The following LCP1 variants were observed in gnomAD, a reference collection of about 807,000 sequenced individuals.
LCP1 encodes the protein lymphocyte cytosolic protein 1, also known as plastin-2.
LCP1 carries 23 observed loss-of-function variants against 72.0 expected under a neutral mutation model. The ratio of observed to expected loss-of-function variants is 0.32; its 90% confidence interval spans 0.23 to 0.45. LCP1 has a LOEUF of 0.45. Among genes scored for constraint, LCP1 ranks in the 20% least tolerant of loss-of-function variants. The pLI, the probability that LCP1 is intolerant of heterozygous loss-of-function variation, is 1.00. For missense variants in LCP1, 571 were observed against 748.3 expected, an observed-to-expected ratio of 0.76 and a Z score of 2.76; for synonymous variants, 245 against 275.4, an observed-to-expected ratio of 0.89 and a Z score of 1.09.
At position 46,154,757 on chromosome 13, in the gene LCP1, A is replaced by G. The variant is rs756024617; in HGVS notation, c.573+48T>C. The G allele has an allele frequency of 2.0e-6, 3 of 1,507,494 alleles. No homozygotes were observed. The South Asian group carries it at 3.4e-5, about 17-fold the overall frequency. 93.4% of individuals were successfully genotyped at this position (1,507,494 alleles called of 1,614,324 possible). A position where few individuals can be genotyped will look rare whatever the true frequency, so the allele number is the denominator to read the frequency against. On this transcript the variant is annotated intron_variant, in intron 6 of 15. Coordinates refer to ENST00000323076, the MANE Select transcript of LCP1 (RefSeq NM_002298.5). ...GGCGGACTCAGCAGTTATGATGCTC[A>G]TTGATGCCAAACAAATCCTGTATTA... is the stretch of plus-strand genomic sequence containing the variant.
Position 46,148,439 on chromosome 13 carries a change from T to G in LCP1, c.891A>C (p.Lys297Asn). The change falls in exon 9 of 16, where the codon AAA (lysine) becomes AAC (asparagine). Residue 297 changes from lysine (K) to asparagine (N), a missense_variant. Lys to Asn is a moderately conservative substitution (Grantham distance 94, BLOSUM62 0). Coordinates refer to ENST00000323076, the MANE Select transcript of LCP1 (RefSeq NM_002298.5). ...CCTGCTCAAGCAGGTGGTAATAAGC[T>G]TTTGAGTCCTGTGAGAAATTAAGAA... ...GNFSTDIKDS[K>N]AYYHLLEQVA... 1 of 1,604,944 alleles carries G rather than the reference T, an allele frequency of 6.2e-7. No homozygotes were observed.
chr13:46,135,721 C>T (rs2045660776), intron 13 of LCP1, among the ~76,000 whole-genome samples: 1 of 148,858 alleles, frequency 6.7e-6, no homozygotes, highest in South Asian at 2.1e-4. Flanking sequence ...AATTTCCTTT[C>T]TGAAGTACAG....
intron 1 of LCP1, among the ~76,000 whole-genome samples, chr13:46,167,230 G>A (rs2045881501): frequency 6.6e-6 from 1 of 152,182 alleles, no homozygotes; most frequent in African/African-American, 2.4e-5. Flanking sequence ...TGGGAAGCTA[G>A]CAATCCAGAT....
chr13:46,141,521 A>C (rs1467964740), intron 13 of LCP1, among the ~76,000 whole-genome samples: 1 of 152,088 alleles, frequency 6.6e-6, no homozygotes. Context: ...ATATGAGGGA[A>C]CAACAATAAG....
intron 1 of LCP1, among the ~76,000 whole-genome samples, chr13:46,178,260 A>G (rs771516827): frequency 8.5e-5 from 13 of 152,186 alleles, no homozygotes; most frequent in Non-Finnish European, 1.5e-4. Context: ...GATTAATTGA[A>G]GCGCCTTCCA....
chr13:46,151,197 G>T, intron 7 of LCP1, 119 bp from the exon 8 acceptor site: 2 of 948,576 alleles, frequency 2.1e-6, no homozygotes, highest in Non-Finnish European at 3.0e-6. Context: ...CCTCTTTGGG[G>T]TAAAGGTTCT....
chr13:46,168,545 T>C (rs1034545172), intron 1 of LCP1: 2 of 152,528 alleles, frequency 1.3e-5, no homozygotes, highest in African/African-American at 4.8e-5. Flanking sequence ...GCCTAGCTGC[T>C]GGACTGCCCC....
At chr13:46,168,688 AAG>A (rs2045890306) in intron 1 of LCP1, among the ~76,000 whole-genome samples, 1 of 152,228 alleles carries the variant, frequency 6.6e-6, no homozygotes, top group South Asian at 2.1e-4. Flanking sequence ...CTGTCCCAGA[AAG>A]AGAGTCATCT....
chr13:46,155,548 G>A (rs2045795104), intron 5 of LCP1, among the ~76,000 whole-genome samples: 1 of 152,168 alleles, frequency 6.6e-6, no homozygotes, highest in Non-Finnish European at 1.5e-5. Flanking sequence ...AAGTAGAATT[G>A]CTCTGGTCAG....
At chr13:46,140,614 TA>T (rs1435545904) in intron 13 of LCP1, among the ~76,000 whole-genome samples, 1 of 152,006 alleles carries the variant, frequency 6.6e-6, no homozygotes, top group East Asian at 1.9e-4. Flanking sequence ...GACATATAAT[TA>T]AAAAATTAGC....
rs964508010 is a variant in LCP1, at chr13:46,147,060, G to T, written c.1022C>A (p.Ala341Glu). 1 of 1,611,174 alleles carries T rather than the reference G, an allele frequency of 6.2e-7. No individual in the cohort carries two copies. Among genetic ancestry groups the T allele is most frequent in the Non-Finnish European group, 8.5e-7 (1 of 1,178,836 alleles). ...AAACTGCCGGCAGCCCAGCCTCTCC[G>T]CCTGCTGCAGCATGCATTCTGCCCT... The part of the protein sequence containing the change: ...IQRAECMLQQ[A>E]ERLGCRQFVT... Residue 341 changes from alanine (A) to glutamate (E), a missense_variant, in exon 10 of 16, where the codon GCG (alanine) becomes GAG (glutamate). Transcript: ENST00000323076.
chr13:46,135,837 C>T (rs1386737462), intron 13 of LCP1, among the ~76,000 whole-genome samples: 1 of 150,452 alleles, frequency 6.6e-6, no homozygotes, highest in Non-Finnish European at 1.5e-5. Flanking sequence ...ATGGTCATGG[C>T]TCACTGCGCC....
chr13:46,159,765 T>G (rs2045826480), intron 1 of LCP1, 79 bp from the exon 2 acceptor site: 1 of 798,732 alleles, frequency 1.3e-6, no homozygotes, highest in African/African-American at 1.7e-5. Context: ...CAATTCCCAT[T>G]TATTACATGA....
intron 14 of LCP1, among the ~76,000 whole-genome samples, chr13:46,131,943 A>G (rs1386842263): frequency 6.6e-6 from 1 of 151,886 alleles, no homozygotes; most frequent in African/African-American, 2.4e-5. Context: ...ATGGAAACCC[A>G]AACCTCAGCA....
In LCP1 at chr13:46,143,395, T is replaced by C. The variant is rs1224782383; in HGVS notation, c.1263A>G (p.Ser421=). ...AGAGCTGGAAGATGACCAGGGCATC[T>C]GATAAGTCACTGAACAAAACAAACA... The part of the protein sequence containing the change: ...PRVNHLYSDL[S]DALVIFQLYE... The change falls in exon 12 of 16, where the codon TCA becomes TCG. Residue 421 remains serine, a synonymous_variant. Transcript: ENST00000323076. The C allele has an allele frequency of 1.2e-6, 2 of 1,611,724 alleles. No individual in the cohort carries two copies. Among genetic ancestry groups the C allele is most frequent in the Non-Finnish European group, 1.7e-6 (2 of 1,177,826 alleles).
At chr13:46,150,826 C>T in intron 8 of LCP1, 110 bp downstream of exon 8, 1 of 1,233,710 alleles carries the variant, frequency 8.1e-7, no homozygotes, top group South Asian at 1.4e-5. Context: ...CACCAGACTA[C>T]CCTGGAACTT....
intron 1 of LCP1, among the ~76,000 whole-genome samples, chr13:46,175,582 G>A (rs10083295): frequency 0.13 from 19,865 of 151,912 alleles, 4,336 homozygotes; most frequent in African/African-American, 0.45. Context: ...GGGTACGGAG[G>A]GAGGAGAAAA....
At chr13:46,130,150 C>T (rs1438864756) in intron 15 of LCP1, among the ~76,000 whole-genome samples, 2 of 152,200 alleles carry the variant, frequency 1.3e-5, no homozygotes, top group East Asian at 1.9e-4. Context: ...AGGAAACTAA[C>T]GGAATCTGAT....
intron 1 of LCP1, chr13:46,168,501 T>C (rs1262862605): frequency 6.6e-6 from 1 of 152,448 alleles, no homozygotes; most frequent in Non-Finnish European, 1.5e-5. Flanking sequence ...TGCATTCTCC[T>C]CACTGGCCCC....
Sources: gnomAD v4.1 joint callset for allele counts (sites outside exome capture counted in the v4.1 genomes callset) on GRCh38, gnomAD v4.1.1 for gene constraint, MANE v1.5 for transcripts, NCBI Gene and HGNC (gene_info 2026-07-23, HGNC 2026-07-21) for gene names.